Variants in HTR4 observed in about 807,000 individuals in gnomAD.
HTR4 encodes the protein 5-hydroxytryptamine (serotonin) receptor 4, G protein-coupled.
HTR4 carries 16 observed loss-of-function variants against 36.8 expected under a neutral mutation model. The observed-to-expected ratio is 0.43, with a 90% CI of 0.29 to 0.66. The LOEUF is 0.66. Ranked by LOEUF, HTR4 falls within the 30% of genes least tolerant of loss-of-function variation. The probability of loss-of-function intolerance (pLI) is 0.13; values close to 1 mark genes in which losing one functional copy is unlikely to be tolerated. For missense variants in HTR4, 438 were observed against 490.9 expected, an observed-to-expected ratio of 0.89 and a Z score of 1.02; for synonymous variants, 189 against 185.1, an observed-to-expected ratio of 1.02 and a Z score of -0.17.
rs58003522 is a variant in HTR4 at position 148,600,976 on chromosome 5, CAAAAAAAAAA to C, written c.26+36003_26+36012del. Reference sequence around the variant, plus strand: ...ATGAGGAACTCCCACAACTCAATAGCAAAAAAAAAAAAAAAAAAAAAAAAAAACAAATAAT... The same window carrying C: ...ATGAGGAACTCCCACAACTCAATAGCAAAAAAAAAAAAAAAAACAAATAAT... On this transcript the variant is annotated intron_variant, in intron 2 of 6. Coordinates refer to ENST00000377888, the MANE Select transcript of HTR4 (RefSeq NM_000870.7). 7.4e-4 allele frequency among the ~76,000 whole-genome samples: 10 copies of C among 13,548 alleles called. 1 individual carries two copies. In the South Asian group the frequency reaches 0.031, roughly 42 times the overall value. The allele number at this position is 13,548 out of a possible 152,430, so 8.9% of individuals were successfully genotyped here. A position where few individuals can be genotyped will look rare whatever the true frequency, so the allele number is the denominator to read the frequency against.
chr5:148,650,896 A>G (rs183587485), intron 1 of HTR4, among the ~76,000 whole-genome samples: 5 of 152,294 alleles, frequency 3.3e-5, no homozygotes, highest in South Asian at 2.1e-4. Context: ...GGGCTTGAGG[A>G]TATCTAAGCT....
intron 4 of HTR4, among the ~76,000 whole-genome samples, chr5:148,535,924 C>G (rs1362393798): frequency 1.3e-5 from 2 of 151,996 alleles, no homozygotes; most frequent in Non-Finnish European, 2.9e-5. Context: ...ATCCCCAAGA[C>G]ACATAATCAT....
intron 2 of HTR4, among the ~76,000 whole-genome samples, chr5:148,611,846 A>C (rs1418499578): frequency 6.6e-6 from 1 of 151,482 alleles, no homozygotes; most frequent in African/African-American, 2.4e-5. Context: ...TACCAAGCAA[A>C]TGGAAAACAA....
chr5:148,482,127 C>T lies in HTR4; in HGVS notation c.*1076G>A, dbSNP rs1183543598. On this transcript the variant is annotated 3_prime_UTR_variant, in exon 7 of 7. Transcript: ENST00000377888. Reference sequence around the variant, plus strand: ...CAGCCAGGGCGGCAATTTGGGTCCTCTGGCTTCAAGTACAGCATTGCCTCG... The same window carrying T: ...CAGCCAGGGCGGCAATTTGGGTCCTTTGGCTTCAAGTACAGCATTGCCTCG... 2.0e-6 allele frequency: 2 copies of T among 986,008 alleles called. No individual in the cohort carries two copies. The highest frequency in any genetic ancestry group is 1.7e-5 in the African/African-American group (1 of 57,248). The allele number at this position is 986,008 out of a possible 1,614,324, so 61.1% of individuals were successfully genotyped here.
intron 5 of HTR4, among the ~76,000 whole-genome samples, chr5:148,462,723 A>G (rs2113694780): frequency 6.6e-6 from 1 of 152,264 alleles, no homozygotes; most frequent in Middle Eastern, 3.4e-3. Context: ...AACCCTATAA[A>G]TCAATACCTC....
chr5:148,523,370 G>T (rs748875247), intron 4 of HTR4, 24 bp from the exon 5 acceptor site: 7 of 1,579,096 alleles, frequency 4.4e-6, no homozygotes, highest in African/African-American at 4.1e-5. Context: ...AGAGGGCAGA[G>T]CATAGGCATG....
intron 3 of HTR4, 92 bp from the exon 4 acceptor site, chr5:148,548,960 G>T: frequency 1.2e-6 from 1 of 865,084 alleles, no homozygotes; most frequent in Non-Finnish European, 1.9e-6. Context: ...ACAGGGAAAA[G>T]GGAAACAAAG....
chr5:148,641,126 A>G (rs1234220650), intron 1 of HTR4, among the ~76,000 whole-genome samples: 1 of 152,212 alleles, frequency 6.6e-6, no homozygotes, highest in African/African-American at 2.4e-5. Flanking sequence ...GGAAGATTGC[A>G]TAGGGTGAGG....
At chr5:148,476,869 C>T, downstream of HTR4, 1 of 1,458,334 alleles carries the variant, frequency 6.9e-7, no homozygotes, top group South Asian at 1.4e-5. Flanking sequence ...TCATGCAGTC[C>T]TGGAGGCTGG....
downstream of HTR4, among the ~76,000 whole-genome samples, chr5:148,479,656 A>G (rs1755812831): frequency 6.6e-6 from 1 of 152,208 alleles, no homozygotes; most frequent in Non-Finnish European, 1.5e-5. Flanking sequence ...AGAATCAAGG[A>G]TTCTAGGACC....
At position 148,548,834 on chromosome 5, in the gene HTR4, C is replaced by A; in HGVS notation, c.187G>T (p.Ala63Ser). 1 of 1,613,268 alleles carries A rather than the reference C, an allele frequency of 6.2e-7. No individual in the cohort carries two copies. The highest frequency in any genetic ancestry group is 8.5e-7 in the Non-Finnish European group (1 of 1,179,906). Reference sequence around the variant, plus strand: ...ACCGAAACCAGCAGATCCGCAAAAGCAAGAGATACAATGAAATAATTTGTT... The same window carrying A: ...ACCGAAACCAGCAGATCCGCAAAAGAAAGAGATACAATGAAATAATTTGTT... ...IKTNYFIVSL[A>S]FADLLVSVLV... Residue 63 changes from alanine (A) to serine (S), a missense_variant, in exon 4 of 7, where the codon GCT becomes TCT. Ala to Ser is a moderately conservative substitution (Grantham distance 99). Coordinates refer to ENST00000377888, the MANE Select transcript of HTR4 (RefSeq NM_000870.7).
intron 5 of HTR4, chr5:148,520,845 TG>T (rs1757979172): frequency 7.4e-7 from 1 of 1,353,480 alleles, no homozygotes; most frequent in Non-Finnish European, 9.9e-7. Context: ...AAAATGTCCA[TG>T]CAGTTACACT....
chr5:148,518,023 A>G (rs1390128295), intron 5 of HTR4, among the ~76,000 whole-genome samples: 4 of 152,058 alleles, frequency 2.6e-5, no homozygotes, highest in African/African-American at 9.7e-5. Context: ...ATTCTACCAT[A>G]GCACTTTGCA....
At chr5:148,639,655 T>G (rs1382184041) in intron 1 of HTR4, among the ~76,000 whole-genome samples, 2 of 128,518 alleles carry the variant, frequency 1.6e-5, no homozygotes, top group Non-Finnish European at 3.2e-5. Flanking sequence ...AGTCAATTGC[T>G]TCTTTATTTG....
intron 5 of HTR4, among the ~76,000 whole-genome samples, chr5:148,463,094 C>G (rs2113695165): frequency 6.7e-6 from 1 of 150,366 alleles, no homozygotes; most frequent in South Asian, 2.1e-4. Flanking sequence ...CCCCTAAGAT[C>G]AGAAAGAAGT....
intron 2 of HTR4, among the ~76,000 whole-genome samples, chr5:148,634,787 C>T (rs1189826298): frequency 6.6e-6 from 1 of 152,174 alleles, no homozygotes; most frequent in African/African-American, 2.4e-5. Context: ...CCTCCCTTTT[C>T]CATTCATTTT....
chr5:148,492,397 A>C (rs1252450547), intron 6 of HTR4, among the ~76,000 whole-genome samples: 1 of 152,214 alleles, frequency 6.6e-6, no homozygotes, highest in Non-Finnish European at 1.5e-5. Flanking sequence ...TGTTGCTTAA[A>C]CAATTGTTTA....
At chr5:148,627,182 T>C (rs907525569) in intron 2 of HTR4, among the ~76,000 whole-genome samples, 4 of 152,192 alleles carry the variant, frequency 2.6e-5, no homozygotes, top group Admixed American at 6.5e-5. Flanking sequence ...TGTAACCCTA[T>C]TTGCATTCAG....
intron 2 of HTR4, among the ~76,000 whole-genome samples, chr5:148,582,765 G>A (rs1473000766): frequency 1.3e-5 from 2 of 152,142 alleles, no homozygotes; most frequent in African/African-American, 4.8e-5. Flanking sequence ...GAATACTTGT[G>A]ATTTTTGTAC....
Sources: gnomAD v4.1 joint callset for allele counts (sites outside exome capture counted in the v4.1 genomes callset) on GRCh38, gnomAD v4.1.1 for gene constraint, MANE v1.5 for transcripts, NCBI Gene and HGNC (gene_info 2026-07-23, HGNC 2026-07-21) for gene names.